The following CSMD1 variants were observed in gnomAD, a reference collection of about 807,000 sequenced individuals.
CSMD1 encodes the protein CUB and sushi domain-containing protein 1.
In CSMD1, 213 loss-of-function variants were observed where a neutral mutation model predicts 417.5. The observed-to-expected ratio is 0.51, with a 90% confidence interval of 0.46 to 0.57. CSMD1 has a LOEUF of 0.57. Ranked by LOEUF, CSMD1 falls within the 20% of genes least tolerant of loss-of-function variation. The pLI is 0.00. For synonymous variants in CSMD1, 2,862 were observed against 1,736.8 expected (o/e 1.65, Z -16.11); for missense variants, 6,923 against 4,529.7 (o/e 1.53, Z -15.17).
chr8:4,081,846 C>A (rs563295156), intron 3 of CSMD1, among the ~76,000 whole-genome samples: 1 of 151,908 alleles, frequency 6.6e-6, no homozygotes, highest in African/African-American at 2.4e-5. Flanking sequence ...AAGTTGAAAC[C>A]AAATAATTAG....
At chr8:4,101,068 G>C (rs1478318162) in intron 3 of CSMD1, among the ~76,000 whole-genome samples, 2 of 152,156 alleles carry the variant, frequency 1.3e-5, no homozygotes, top group Non-Finnish European at 2.9e-5. Context: ...CCAGAGACGA[G>C]ACGGCGCTGG....
chr8:3,244,712 A>G (rs1799769136), intron 26 of CSMD1, among the ~76,000 whole-genome samples: 1 of 152,208 alleles, frequency 6.6e-6, no homozygotes, highest in Admixed American at 6.5e-5. Context: ...GTGAATGGAA[A>G]AGTGAATGCT....
chr8:3,107,390 A>G (rs1816214958), intron 45 of CSMD1, among the ~76,000 whole-genome samples: 1 of 152,178 alleles, frequency 6.6e-6, no homozygotes, highest in Non-Finnish European at 1.5e-5. Flanking sequence ...CTGAAAGCAA[A>G]TATCTGCCCA....
At chr8:4,339,182 C>G (rs1800339016) in intron 3 of CSMD1, among the ~76,000 whole-genome samples, 2 of 152,106 alleles carry the variant, frequency 1.3e-5, no homozygotes, top group African/African-American at 4.8e-5. Flanking sequence ...CAGGCTTTAT[C>G]TCCTTCAAAG....
At chr8:4,460,799 A>C (rs563220161) in intron 2 of CSMD1, among the ~76,000 whole-genome samples, 11 of 152,330 alleles carry the variant, frequency 7.2e-5, no homozygotes, top group African/African-American at 2.4e-4. Context: ...TATGCTAAAG[A>C]AAATTCCAGG....
At chr8:4,251,315 A>C (rs941071648) in intron 3 of CSMD1, among the ~76,000 whole-genome samples, 1 of 152,176 alleles carries the variant, frequency 6.6e-6, no homozygotes, top group Non-Finnish European at 1.5e-5. Flanking sequence ...AGAATGTCAT[A>C]GTATTTGCAT....
chr8:4,032,704 C>T (rs574709407), intron 3 of CSMD1, among the ~76,000 whole-genome samples: 1 of 152,258 alleles, frequency 6.6e-6, no homozygotes, highest in South Asian at 2.1e-4. Flanking sequence ...CAGGCTCTGT[C>T]CATTTATAGT....
chr8:4,133,822 C>T (rs1487247639), intron 3 of CSMD1, among the ~76,000 whole-genome samples: 4 of 152,116 alleles, frequency 2.6e-5, no homozygotes, highest in African/African-American at 9.7e-5. Context: ...TGCCTGATCT[C>T]CTCTGAAACA....
Position 2,998,100 on chromosome 8 carries a change from G to T in CSMD1, c.8288C>A (p.Thr2763Asn), listed in dbSNP as rs1454960081. Residue 2763 changes from threonine (T) to asparagine (N), a missense_variant, in exon 54 of 70, where the codon ACC becomes AAC. Thr to Asn is a moderately conservative substitution (Grantham distance 65). Transcript: ENST00000635120. The stretch of plus-strand genomic sequence containing the variant: ...CTGCAGCAAATAGCCCGTGTTGCAG[G>T]TGAAATTCACGACATCATTCAGGTT... ...EFNLNDVVNF[T>N]CNTGYLLQGV... is the part of the protein sequence containing the mutation. 7.4e-6 allele frequency: 12 copies of T among 1,613,902 alleles called. No homozygotes were observed. The South Asian group carries it at 1.2e-4, about 16-fold the overall frequency.
At chr8:3,988,006 A>G (rs1189802727) in intron 5 of CSMD1, among the ~76,000 whole-genome samples, 4 of 152,226 alleles carry the variant, frequency 2.6e-5, no homozygotes, top group Non-Finnish European at 5.9e-5. Context: ...AAAGAGCTCA[A>G]AATGATTTTA....
rs2291319 is a variant in CSMD1, at chr8:2,937,908, T to A, written c.*677A>T. The A allele has an allele frequency of 1.3e-5, 2 of 152,518 alleles. No homozygotes were observed. The highest frequency in any genetic ancestry group is 4.8e-5 in the African/African-American group (2 of 41,406). The allele number at this position is 152,518 out of a possible 1,614,324, so 9.4% of individuals were successfully genotyped here. On this transcript the variant is annotated 3_prime_UTR_variant, in exon 70 of 70. Transcript: ENST00000635120. Reference sequence around the variant, plus strand: ...ATAATTTATTTTTTTTATCAGAATCTTAGTCATTCATAACACACTAGTGCA... The same window carrying A: ...ATAATTTATTTTTTTTATCAGAATCATAGTCATTCATAACACACTAGTGCA...
intron 1 of CSMD1, among the ~76,000 whole-genome samples, chr8:4,822,237 C>T (rs184095044): frequency 2.6e-5 from 4 of 152,030 alleles, no homozygotes; most frequent in Non-Finnish European, 4.4e-5. Context: ...TTACTTTCAC[C>T]GTACCACTTG....
At chr8:4,485,959 G>C (rs1023389448) in intron 2 of CSMD1, among the ~76,000 whole-genome samples, 1 of 151,766 alleles carries the variant, frequency 6.6e-6, no homozygotes, top group Non-Finnish European at 1.5e-5. Context: ...TCATCACTCT[G>C]ATATTGATAC....
At chr8:3,860,692 T>A (rs1349239574) in intron 5 of CSMD1, among the ~76,000 whole-genome samples, 1 of 152,206 alleles carries the variant, frequency 6.6e-6, no homozygotes, top group Admixed American at 6.5e-5. Flanking sequence ...ACCACAGAAC[T>A]TTGTAAGATG....
intron 2 of CSMD1, among the ~76,000 whole-genome samples, chr8:4,613,264 T>C (rs1402792763): frequency 6.6e-6 from 1 of 152,220 alleles, no homozygotes; most frequent in South Asian, 2.1e-4. Flanking sequence ...GACAGAGTGA[T>C]GAGCCAAGGC....
intron 3 of CSMD1, among the ~76,000 whole-genome samples, chr8:4,117,225 A>C (rs1486739376): frequency 1.5e-5 from 2 of 137,704 alleles, no homozygotes; most frequent in Admixed American, 7.6e-5. Context: ...CCTCCATCTC[A>C]TGGTCGTTTC....
At chr8:3,821,444 T>G (rs1304142558) in intron 5 of CSMD1, among the ~76,000 whole-genome samples, 1 of 152,206 alleles carries the variant, frequency 6.6e-6, no homozygotes, top group Admixed American at 6.5e-5. Flanking sequence ...CGCATAATTA[T>G]ATGGCTACAA....
intron 2 of CSMD1, among the ~76,000 whole-genome samples, chr8:4,628,731 A>G (rs2616989): frequency 0.71 from 107,302 of 151,464 alleles, 38,342 homozygotes; most frequent in Admixed American, 0.8. Context: ...GAAGCCATCT[A>G]AGAGCCCTCA....
Position 3,167,291 on chromosome 8 carries a change from G to GAAAA in CSMD1, c.5726-5018_5726-5015dup, listed in dbSNP as rs61026104. On this transcript the variant is annotated intron_variant, in intron 37 of 69. Transcript: ENST00000635120. The stretch of plus-strand genomic sequence containing the variant: ...AGAGCAAGACTCCAACTTGGAAAAA[G>GAAAA]AAAAAAAAAAAAAAAAAAGGTGGTT... Among the ~76,000 whole-genome samples the GAAAA allele has an allele frequency of 3.4e-3, 347 of 102,630 alleles. 9 individuals are homozygous for GAAAA. The highest frequency in any genetic ancestry group is 0.033 in the South Asian group (103 of 3,142). The allele number at this position is 102,630 out of a possible 152,430, so 67.3% of individuals were successfully genotyped here.
Sources: allele counts gnomAD v4.1 joint callset (sites outside exome capture counted in the v4.1 genomes callset), GRCh38; gene constraint gnomAD v4.1.1; transcripts MANE v1.5; gene names NCBI Gene and HGNC (gene_info 2026-07-23, HGNC 2026-07-21).